The following RBFOX1 variants were observed in gnomAD, a reference collection of about 807,000 sequenced individuals.
RBFOX1 encodes the protein RNA binding protein fox-1 homolog 1.
A neutral mutation model predicts 57.7 loss-of-function variants in RBFOX1; 8 were observed. The ratio of observed to expected loss-of-function variants is 0.14; its 90% CI spans 0.08 to 0.25. The LOEUF (loss-of-function observed/expected upper bound fraction) is 0.25, where lower values mean the gene tolerates loss of function less well. Among genes scored for constraint, RBFOX1 ranks in the 10% least tolerant of loss-of-function variants. The pLI is 1.00. For missense variants in RBFOX1, 611 were observed against 548.5 expected (o/e 1.11, Z -1.14); for synonymous variants, 326 against 222.4 (o/e 1.47, Z -4.15).
chr16:7,606,602 C>G (rs2095295405), intron 9 of RBFOX1, among the ~76,000 whole-genome samples: 1 of 152,088 alleles, frequency 6.6e-6, no homozygotes, highest in Admixed American at 6.5e-5. Context: ...TCTAAAGGGT[C>G]AGGATTCATT....
At chr16:5,848,754 C>G (rs1046320335) in intron 3 of RBFOX1, among the ~76,000 whole-genome samples, 2 of 152,014 alleles carry the variant, frequency 1.3e-5, no homozygotes, top group Non-Finnish European at 2.9e-5. Flanking sequence ...CGAGACCAGC[C>G]TGGCCAACAT....
intron 2 of RBFOX1, among the ~76,000 whole-genome samples, chr16:6,651,083 G>A (rs1171211334): frequency 6.6e-6 from 1 of 152,170 alleles, no homozygotes; most frequent in Admixed American, 6.5e-5. Flanking sequence ...TGTATGTTTA[G>A]TGGAGATGGA....
Position 7,457,177 on chromosome 16 carries a change from G to A in RBFOX1, c.28-60970G>A, listed in dbSNP as rs548584800. Among the ~76,000 whole-genome samples, 50 of 152,154 alleles carry A rather than the reference G, an allele frequency of 3.3e-4. 1 individual carries two copies. The East Asian group carries it at 3.9e-3, about 12-fold the overall frequency. ...GCTAGGATTACAGGTGTGAGCCACC[G>A]CGCCTGGCCTTGGGTATGCATTTTT... On this transcript the variant is annotated intron_variant, in intron 4 of 15. Transcript: ENST00000550418.
intron 4 of RBFOX1, among the ~76,000 whole-genome samples, chr16:7,130,857 T>C (rs558071754): frequency 6.6e-6 from 1 of 152,176 alleles, no homozygotes; most frequent in African/African-American, 2.4e-5. Context: ...TATCAGGCAA[T>C]CCTGGGGTGC....
chr16:7,340,011 A>G (rs1262018045), intron 4 of RBFOX1, among the ~76,000 whole-genome samples: 3 of 152,148 alleles, frequency 2.0e-5, no homozygotes, highest in Non-Finnish European at 4.4e-5. Flanking sequence ...TCTCTTCCCA[A>G]CTATTCCAGC....
intron 3 of RBFOX1, among the ~76,000 whole-genome samples, chr16:7,049,148 T>C (rs961438164): frequency 1.3e-5 from 2 of 152,228 alleles, no homozygotes; most frequent in Non-Finnish European, 1.5e-5. Flanking sequence ...CAAAGTAATA[T>C]TTGTTTTCTA....
intron 2 of RBFOX1, among the ~76,000 whole-genome samples, chr16:5,537,957 C>G (rs1044524144): frequency 6.6e-6 from 1 of 152,144 alleles, no homozygotes; most frequent in Non-Finnish European, 1.5e-5. Context: ...ACACATTTTT[C>G]CCACACTCAC....
At chr16:6,444,948 G>A (rs1370600687) in intron 2 of RBFOX1, among the ~76,000 whole-genome samples, 1 of 152,084 alleles carries the variant, frequency 6.6e-6, no homozygotes, top group Admixed American at 6.5e-5. Context: ...AGTGGAGAAT[G>A]GATTTGAGGG....
At chr16:6,194,290 C>T (rs748577654) in intron 1 of RBFOX1, among the ~76,000 whole-genome samples, 57 of 152,122 alleles carry the variant, frequency 3.7e-4, no homozygotes, top group Admixed American at 5.2e-4. Context: ...GACCAGTTCA[C>T]CTCTCACCCA....
At chr16:7,083,717 C>G (rs955327219) in intron 4 of RBFOX1, among the ~76,000 whole-genome samples, 2 of 152,166 alleles carry the variant, frequency 1.3e-5, no homozygotes, top group Non-Finnish European at 2.9e-5. Flanking sequence ...ACTCCTTTCC[C>G]TTTTCCTAGA....
intron 2 of RBFOX1, among the ~76,000 whole-genome samples, chr16:6,518,802 T>TCTAC (rs1567531738): frequency 4.2e-5 from 3 of 71,642 alleles, no homozygotes; most frequent in Non-Finnish European, 8.6e-5. Flanking sequence ...TGTCTGTCTA[T>TCTAC]CTATCTATCT....
chr16:7,025,055 G>T (rs927664000), intron 3 of RBFOX1, among the ~76,000 whole-genome samples: 3 of 152,142 alleles, frequency 2.0e-5, no homozygotes, highest in African/African-American at 7.2e-5. Context: ...CGCAAGACAA[G>T]AGTTGAGGGC....
intron 3 of RBFOX1, among the ~76,000 whole-genome samples, chr16:5,626,318 C>T (rs1003082126): frequency 2.0e-5 from 3 of 152,198 alleles, no homozygotes; most frequent in African/African-American, 4.8e-5. Context: ...GGATGACCGT[C>T]TTCTCCCTGT....
At chr16:6,247,811 A>G (rs1338554435) in intron 1 of RBFOX1, among the ~76,000 whole-genome samples, 2 of 152,176 alleles carry the variant, frequency 1.3e-5, no homozygotes, top group Non-Finnish European at 2.9e-5. Context: ...AGAGAGGGAG[A>G]GAGAAAATTC....
chr16:6,519,281 G>T (rs1380976231), intron 2 of RBFOX1, among the ~76,000 whole-genome samples: 1 of 152,162 alleles, frequency 6.6e-6, no homozygotes, highest in Non-Finnish European at 1.5e-5. Flanking sequence ...CAAATGAAAT[G>T]AGAATAGTCA....
At chr16:7,371,827 A>T (rs1256643338) in intron 4 of RBFOX1, among the ~76,000 whole-genome samples, 4 of 152,156 alleles carry the variant, frequency 2.6e-5, no homozygotes, top group African/African-American at 9.7e-5. Context: ...ACATACTGAC[A>T]AAAAAAGCCA....
intron 3 of RBFOX1, among the ~76,000 whole-genome samples, chr16:5,856,424 A>G (rs1346289868): frequency 7.2e-6 from 1 of 139,034 alleles, no homozygotes; most frequent in East Asian, 2.0e-4. Flanking sequence ...AGTATATAGC[A>G]CAGTATTGTT....
chr16:6,364,619 A>C (rs1048672965), intron 2 of RBFOX1, among the ~76,000 whole-genome samples: 1 of 152,234 alleles, frequency 6.6e-6, no homozygotes. Context: ...ACATATGGTC[A>C]TATAGAGGAT....
At chr16:5,991,152 G>C (rs1207008738) in intron 4 of RBFOX1, among the ~76,000 whole-genome samples, 1 of 152,190 alleles carries the variant, frequency 6.6e-6, no homozygotes, top group Non-Finnish European at 1.5e-5. Context: ...GGGGGTGACT[G>C]TAGGGTTACA....
Sources: allele counts gnomAD v4.1 joint callset (sites outside exome capture counted in the v4.1 genomes callset), GRCh38; gene constraint gnomAD v4.1.1; transcripts MANE v1.5; gene names NCBI Gene and HGNC (gene_info 2026-07-23, HGNC 2026-07-21).